BDH1: variants seen among roughly 807,000 people sequenced by gnomAD.
BDH1 encodes D-beta-hydroxybutyrate dehydrogenase, mitochondrial.
A neutral mutation model predicts 33.1 loss-of-function variants in BDH1; 30 were observed. The observed-to-expected ratio is 0.91, with a 90% CI of 0.68 to 1.23. The LOEUF is 1.23. Ranked by LOEUF, BDH1 falls within the 50% of genes most tolerant of loss-of-function variation. The pLI is 0.00. For missense variants in BDH1, 443 were observed against 464.4 expected, an observed-to-expected ratio of 0.95 and a Z score of 0.42; for synonymous variants, 190 against 183.6, an observed-to-expected ratio of 1.03 and a Z score of -0.28.
chr3:197,552,430 T>A (rs1716653268), intron 2 of BDH1, among the ~76,000 whole-genome samples: 1 of 152,156 alleles, frequency 6.6e-6, no homozygotes, highest in Admixed American at 6.5e-5. Flanking sequence ...ACCAAACTCC[T>A]GCCAGAGTAA....
At chr3:197,527,513 C>T (rs563828457) in intron 5 of BDH1, among the ~76,000 whole-genome samples, 2 of 152,224 alleles carry the variant, frequency 1.3e-5, no homozygotes, top group East Asian at 3.9e-4. Flanking sequence ...ATGCCACCTG[C>T]CCCCATTTCG....
In BDH1 at chr3:197,523,651, C is replaced by T. The variant is rs934559988; in HGVS notation, c.268-870G>A. ...CTGGAGGTCAAGATCAATCATTCAG[C>T]CCCTGTTCCCAGAGTCGTGTTCTAG... On this transcript the variant is annotated intron_variant, in intron 5 of 7. Transcript: ENST00000392379. This position sits in a 1 kb window ranked among gnomAD's most constrained non-coding sequence, Gnocchi z 4.5. Among the ~76,000 whole-genome samples the T allele has an allele frequency of 5.9e-5, 9 of 152,154 alleles. No homozygotes were observed. Among genetic ancestry groups the T allele is most frequent in the South Asian group, 2.1e-4 (1 of 4,822 alleles).
rs1713816648 is a variant in BDH1, at chr3:197,523,832, G to T, written c.268-1051C>A. On this transcript the variant is annotated intron_variant, in intron 5 of 7. Coordinates refer to ENST00000392379, the MANE Select transcript of BDH1 (RefSeq NM_203314.3). This position sits in a 1 kb window ranked among gnomAD's most constrained non-coding sequence, Gnocchi z 4.5. ...ACAAGAGGGGGCCGATGGGGACGGG[G>T]CACTGTGGGAAGAGATAAGAGGACG... is the stretch of plus-strand genomic sequence containing the variant. 6.6e-6 allele frequency among the ~76,000 whole-genome samples: 1 copy of T among 152,202 alleles called. No homozygotes were observed. Among genetic ancestry groups the T allele is most frequent in the African/African-American group, 2.4e-5 (1 of 41,454 alleles).
At chr3:197,542,545 C>T (rs1244269547) in intron 3 of BDH1, among the ~76,000 whole-genome samples, 1 of 56,536 alleles carries the variant, frequency 1.8e-5, no homozygotes, top group Non-Finnish European at 3.1e-5. Context: ...TTTTTTGAGA[C>T]GGAGTTTTGC....
rs143994255 is a variant in BDH1, at chr3:197,521,123, T to C, written c.409+1517A>G. The stretch of plus-strand genomic sequence containing the variant: ...CCGCCTCCTTCCCCAGCCACTGAAG[T>C]AGCTGCTCCTGAGAGCTGCCCCACC... On this transcript the variant is annotated intron_variant, in intron 6 of 7. Transcript: ENST00000392379. This position sits in a 1 kb window ranked among gnomAD's most constrained non-coding sequence, Gnocchi z 4.9. 5.4e-3 allele frequency among the ~76,000 whole-genome samples: 821 copies of C among 152,298 alleles called. 7 individuals carry two copies. Among genetic ancestry groups the C allele is most frequent in the African/African-American group, 0.019 (770 of 41,576 alleles).
upstream of BDH1, among the ~76,000 whole-genome samples, chr3:197,560,724 G>T (rs140531593): frequency 0.012 from 1,766 of 152,238 alleles, 20 homozygotes; most frequent in South Asian, 0.027. Flanking sequence ...ATATCTTGGG[G>T]CCCCCACATC....
chr3:197,563,977 C>T (rs1717348719), intron 1 of BDH1, among the ~76,000 whole-genome samples: 1 of 151,440 alleles, frequency 6.6e-6, no homozygotes, highest in South Asian at 2.1e-4. Flanking sequence ...TGGTAGGCTA[C>T]TGTAATCACA....
intron 1 of BDH1, among the ~76,000 whole-genome samples, chr3:197,563,972 G>A (rs1221204079): frequency 6.6e-6 from 1 of 151,810 alleles, no homozygotes; most frequent in Non-Finnish European, 1.5e-5. Context: ...CGTGGTGGTA[G>A]GCTACTGTAA....
At chr3:197,543,854 G>T (rs4857527) in intron 3 of BDH1, among the ~76,000 whole-genome samples, 47,909 of 151,966 alleles carry the variant, frequency 0.32, 7,770 homozygotes, top group Middle Eastern at 0.4. Flanking sequence ...CAGTGCCCCT[G>T]GGGAGAAGGG....
rs771506759 is a variant in BDH1 at position 197,512,324 on chromosome 3, G to T, written c.603C>A (p.Ala201=). ...VNISSMLGRM[A]NPARSPYCIT... The stretch of plus-strand genomic sequence containing the variant: ...TGCAGTACGGGGAGCGGGCCGGGTT[G>T]GCCATGCGGCCCAGCATGCTGCTGA... Residue 201 remains alanine (A), a synonymous_variant, in exon 8 of 8, where the codon GCC becomes GCA. Coordinates refer to ENST00000392379, the MANE Select transcript of BDH1 (RefSeq NM_203314.3). 3 of 1,610,638 alleles carry T rather than the reference G, an allele frequency of 1.9e-6. No individual in the cohort carries two copies. Among genetic ancestry groups the T allele is most frequent in the Non-Finnish European group, 8.5e-7 (1 of 1,179,914 alleles).
At chr3:197,515,219 G>C in intron 6 of BDH1, 1 of 908,742 alleles carries the variant, frequency 1.1e-6, no homozygotes, top group Non-Finnish European at 1.3e-6. Context: ...ACTGCCCTCT[G>C]GTGCCTTCTC....
chr3:197,536,736 G>A (rs7615878), intron 3 of BDH1, among the ~76,000 whole-genome samples: 8,339 of 152,136 alleles, frequency 0.055, 283 homozygotes, highest in African/African-American at 0.064. Flanking sequence ...CCAGCTCCTC[G>A]GGAGGCTGAG....
upstream of BDH1, chr3:197,555,978 G>A (rs1253046539): frequency 2.0e-5 from 3 of 152,252 alleles, no homozygotes; most frequent in African/African-American, 7.2e-5. Flanking sequence ...CACGCGAAGC[G>A]CGCGCTGGGG....
rs1326245799 is a variant in BDH1, at chr3:197,521,944, A to T, written c.409+696T>A. Among the ~76,000 whole-genome samples the T allele has an allele frequency of 6.6e-6, 1 of 152,124 alleles. No individual in the cohort carries two copies. The highest frequency in any genetic ancestry group is 1.5e-5 in the Non-Finnish European group (1 of 68,024). On this transcript the variant is annotated intron_variant, in intron 6 of 7. Transcript: ENST00000392379. The surrounding 1 kb of genome is among the most constrained non-coding windows in gnomAD (Gnocchi z 4.9). ...ACCCCTTCAGTGGCTCCCCAGTGCCATTGGGAGACCAGCCATGTTCCCTCG... is the reference window on the plus strand; with the variant it reads ...ACCCCTTCAGTGGCTCCCCAGTGCCTTTGGGAGACCAGCCATGTTCCCTCG...
rs556145531 is a variant in BDH1 at position 197,568,695 on chromosome 3, A to G, written c.-44+4486T>C. On this transcript the variant is annotated intron_variant, in intron 1 of 6. Transcript: ENST00000358186. ...GTGCATGGGTATGGGTTGTCTGTAA[A>G]TTTAAGCAATGTTCTTTTGAGGTAA... is the stretch of plus-strand genomic sequence containing the variant. Among the ~76,000 whole-genome samples the G allele has an allele frequency of 3.3e-5, 5 of 152,168 alleles. No individual in the cohort carries two copies. The East Asian group carries it at 7.7e-4, about 24-fold the overall frequency.
At chr3:197,547,375 A>G (rs1418891087) in intron 2 of BDH1, among the ~76,000 whole-genome samples, 1 of 152,184 alleles carries the variant, frequency 6.6e-6, no homozygotes, top group Non-Finnish European at 1.5e-5. Context: ...GTAATAAGGT[A>G]CTGCCTGGGA....
At position 197,526,324 on chromosome 3, in the gene BDH1, C is replaced by G. The variant is rs2567328; in HGVS notation, c.268-3543G>C. Among the ~76,000 whole-genome samples, 77 of 152,302 alleles carry G rather than the reference C, an allele frequency of 5.1e-4. No individual in the cohort carries two copies. The highest frequency in any genetic ancestry group is 9.1e-4 in the Non-Finnish European group (62 of 68,022). On this transcript the variant is annotated intron_variant, in intron 5 of 7. Transcript: ENST00000392379. The surrounding 1 kb of genome is among the most constrained non-coding windows in gnomAD (Gnocchi z 4.7). ...TTCTCACTGTTTTCTAGCTCCTCTC[C>G]CCTCCTATTCTTAACTTCTGACCCT...
chr3:197,559,647 A>G (rs1179265373), upstream of BDH1, among the ~76,000 whole-genome samples: 1 of 152,274 alleles, frequency 6.6e-6, no homozygotes, highest in African/African-American at 2.4e-5. Context: ...AACCCTGCTA[A>G]GGAAGAATTT....
chr3:197,533,058 G>A (rs1363083574), intron 4 of BDH1, among the ~76,000 whole-genome samples: 1 of 152,164 alleles, frequency 6.6e-6, no homozygotes, highest in East Asian at 1.9e-4. Context: ...TGTATTTTTA[G>A]TAGAGATGGG....
Sources: allele counts gnomAD v4.1 joint callset (sites outside exome capture counted in the v4.1 genomes callset), GRCh38; gene constraint gnomAD v4.1.1; non-coding constraint Gnocchi (gnomAD v3.1); transcripts MANE v1.5; gene names NCBI Gene and HGNC (gene_info 2026-07-23, HGNC 2026-07-21).